DIAPH2: variants seen among roughly 807,000 people sequenced by gnomAD.
The protein encoded by DIAPH2 is protein diaphanous homolog 2.
A neutral mutation model predicts 92.7 loss-of-function variants in DIAPH2; 35 were observed. The observed-to-expected ratio is 0.38, with a 90% CI of 0.29 to 0.50. The LOEUF is 0.50. Among genes scored for constraint, DIAPH2 ranks in the 20% least tolerant of loss-of-function variants. The pLI, the probability that DIAPH2 is intolerant of heterozygous loss-of-function variation, is 0.94. For synonymous variants in DIAPH2, 301 were observed against 280.4 expected, an observed-to-expected ratio of 1.07 and a Z score of -0.73; for missense variants, 701 against 819.5, an observed-to-expected ratio of 0.86 and a Z score of 1.77.
chrX:97,210,809 G>A (rs187899447), intron 22 of DIAPH2, among the ~76,000 whole-genome samples: 3 of 111,474 alleles, frequency 2.7e-5, no homozygotes, highest in East Asian at 2.8e-4. Context: ...GTAGATACCC[G>A]CTTCATTAAG....
At chrX:97,401,441 A>T (rs758606332) in intron 25 of DIAPH2, among the ~76,000 whole-genome samples, 47 of 109,427 alleles carry the variant, frequency 4.3e-4, no homozygotes, top group African/African-American at 1.5e-3. Context: ...CACTCCCCTC[A>T]CCCCACCCCT....
intron 1 of DIAPH2, among the ~76,000 whole-genome samples, chrX:96,723,966 C>T (rs1273590337): frequency 3.1e-5 from 3 of 95,929 alleles, no homozygotes; most frequent in African/African-American, 1.2e-4. Flanking sequence ...TTCTGTTGCC[C>T]GGGCTGGAGT....
At chrX:97,231,594 A>G (rs917881700) in intron 22 of DIAPH2, among the ~76,000 whole-genome samples, 9 of 111,715 alleles carry the variant, frequency 8.1e-5, no homozygotes, top group African/African-American at 2.9e-4. Flanking sequence ...TTACAGTAAC[A>G]TGCCATTCAC....
chrX:97,149,098 A>G (rs2147420305), intron 22 of DIAPH2, among the ~76,000 whole-genome samples: 1 of 111,949 alleles, frequency 8.9e-6, no homozygotes, highest in African/African-American at 3.2e-5. Flanking sequence ...GTCTGCTATT[A>G]GTTTCATTGA....
chrX:96,814,011 C>T (rs987307361), intron 4 of DIAPH2, among the ~76,000 whole-genome samples: 4 of 110,822 alleles, frequency 3.6e-5, no homozygotes, highest in African/African-American at 6.6e-5. Context: ...CTTGGGGTTG[C>T]TCTTCTCAAG....
intron 23 of DIAPH2, among the ~76,000 whole-genome samples, chrX:97,292,544 C>T (rs900351485): frequency 1.9e-4 from 21 of 107,730 alleles, no homozygotes; most frequent in African/African-American, 7.2e-4. Flanking sequence ...CAATTTAATA[C>T]CCAATTTTTT....
At chrX:97,424,790 T>G (rs181194085) in intron 25 of DIAPH2, among the ~76,000 whole-genome samples, 70 of 110,050 alleles carry the variant, frequency 6.4e-4, no homozygotes, top group Admixed American at 1.3e-3. Context: ...CTATTTTTTT[T>G]TCTTTTGTAT....
At chrX:97,009,379 G>A (rs187429585) in intron 17 of DIAPH2, among the ~76,000 whole-genome samples, 1 of 112,036 alleles carries the variant, frequency 8.9e-6, no homozygotes, top group East Asian at 2.8e-4. Context: ...GCCAAGGCCT[G>A]GAATCAGGGA....
At chrX:96,701,936 T>C (rs777489404) in intron 1 of DIAPH2, among the ~76,000 whole-genome samples, 27 of 111,551 alleles carry the variant, frequency 2.4e-4, no homozygotes, top group Non-Finnish European at 4.0e-4. Context: ...ATTTAACAAA[T>C]ATGGGAAACG....
At chrX:97,440,908 A>T (rs753664811) in intron 26 of DIAPH2, among the ~76,000 whole-genome samples, 2 of 111,264 alleles carry the variant, frequency 1.8e-5, no homozygotes, top group East Asian at 5.6e-4. Context: ...TGGTGGTTAC[A>T]ATAAAAGCTC....
At chrX:96,901,532 GTT>G (rs369526046) in intron 5 of DIAPH2, among the ~76,000 whole-genome samples, 816 of 32,991 alleles carry the variant, frequency 0.025, 33 homozygotes, top group African/African-American at 0.065. Context: ...TTTTCTTTCT[GTT>G]TTTTTTTTTT....
intron 5 of DIAPH2, among the ~76,000 whole-genome samples, chrX:96,896,594 A>C (rs1311646861): frequency 8.9e-6 from 1 of 112,205 alleles, no homozygotes; most frequent in African/African-American, 3.2e-5. Flanking sequence ...TTTAATTAAA[A>C]TTATTTGTTT....
chrX:96,900,667 T>C (rs951218338), intron 5 of DIAPH2, among the ~76,000 whole-genome samples: 1 of 111,659 alleles, frequency 9.0e-6, no homozygotes, highest in African/African-American at 3.3e-5. Context: ...CATAAAGGGA[T>C]GGTGGATTTT....
intron 26 of DIAPH2, among the ~76,000 whole-genome samples, chrX:97,570,060 T>C (rs1306882516): frequency 6.6e-5 from 5 of 75,518 alleles, no homozygotes; most frequent in Non-Finnish European, 1.2e-4. Context: ...ATTATACAAG[T>C]TCATAAGGCC....
Position 97,247,817 on chromosome X carries a change from A to G in DIAPH2, c.2822A>G (p.Asp941Gly), listed in dbSNP as rs1351220944. 1 of 1,209,659 alleles carries G rather than the reference A, an allele frequency of 8.3e-7. No individual in the cohort carries two copies. The highest frequency in any genetic ancestry group is 3.0e-5 in the East Asian group (1 of 33,726). Residue 941 changes from aspartate to glycine, a missense_variant, in exon 23 of 27, where the codon GAT becomes GGT. Around this residue, in one of 3 missense-constraint regions of DIAPH2, gnomAD observed 536 missense variants for 599.3 expected, o/e 0.89. Coordinates refer to ENST00000324765, the MANE Select transcript of DIAPH2 (RefSeq NM_006729.5). Reference sequence around the variant, plus strand: ...TTCCCCCAAGCAGAAAATCAACACGATAAGTTTGTGGAAAAGATGACCATA... The same window carrying G: ...TTCCCCCAAGCAGAAAATCAACACGGTAAGTTTGTGGAAAAGATGACCATA... ...KKFPQAENQHDKFVEKMTSFT... is the reference protein window; with the variant it reads ...KKFPQAENQHGKFVEKMTSFT...
chrX:97,548,371 C>G (rs897832560), intron 26 of DIAPH2, among the ~76,000 whole-genome samples: 1 of 112,063 alleles, frequency 8.9e-6, no homozygotes, highest in South Asian at 3.7e-4. Flanking sequence ...CATGACTCTT[C>G]TGCGGCTCTT....
chrX:96,714,265 G>GTTTTT (rs756277085), intron 1 of DIAPH2, among the ~76,000 whole-genome samples: 1 of 87,764 alleles, frequency 1.1e-5, no homozygotes, highest in African/African-American at 4.1e-5. Context: ...TTGTGTGTGT[G>GTTTTT]TTTTTTTTTT....
intron 25 of DIAPH2, among the ~76,000 whole-genome samples, chrX:97,426,952 G>A (rs926242615): frequency 3.6e-5 from 4 of 110,636 alleles, no homozygotes; most frequent in Admixed American, 2.9e-4. Flanking sequence ...CGAGGCAGGC[G>A]GATCACTTGA....
At chrX:96,955,186 A>G (rs1363765538) in intron 15 of DIAPH2, among the ~76,000 whole-genome samples, 4 of 111,688 alleles carry the variant, frequency 3.6e-5, no homozygotes, top group African/African-American at 1.3e-4. Flanking sequence ...ACTTACAATC[A>G]TGGTGGAAGG....
Sources: gnomAD v4.1 joint callset for allele counts (sites outside exome capture counted in the v4.1 genomes callset) on GRCh38, gnomAD v4.1.1 for gene constraint, gnomAD v4.1.1 regional missense constraint, MANE v1.5 for transcripts, NCBI Gene and HGNC (gene_info 2026-07-23, HGNC 2026-07-21) for gene names.